FRMD8: variants seen among roughly 807,000 people sequenced by gnomAD.
FRMD8 encodes the protein FERM domain-containing protein 8.
FRMD8 carries 37 observed loss-of-function variants against 54.2 expected under a neutral mutation model. The ratio of observed to expected loss-of-function variants is 0.68; its 90% confidence interval spans 0.53 to 0.90. FRMD8 has a LOEUF of 0.90. Ranked by LOEUF, FRMD8 falls within the 40% of genes least tolerant of loss-of-function variation. The pLI is 0.00. For synonymous variants in FRMD8, 246 were observed against 286.9 expected (o/e 0.86, Z 1.44); for missense variants, 585 against 653.7 (o/e 0.89, Z 1.15).
chr11:65,411,671 G>C lies in FRMD8; in HGVS notation c.*311G>C. 1 of 256,692 alleles carries C rather than the reference G, an allele frequency of 3.9e-6. No individual in the cohort carries two copies. The allele number at this position is 256,692 out of a possible 1,614,324, so 15.9% of individuals were successfully genotyped here. A position where few individuals can be genotyped will look rare whatever the true frequency, so the allele number is the denominator to read the frequency against. On this transcript the variant is annotated 3_prime_UTR_variant, in exon 11 of 11. Transcript: ENST00000317568. ...CACCCTCACCTAGAAACATGCCTTT[G>C]TGCCCACCTCAAGATGGGCAGTGTC...
the FRMD8 span, chr11:65,377,633 G>C: frequency 1.2e-3 from 188 of 157,768 alleles, 5 homozygotes; most frequent in East Asian, 0.034. Context: ...AGAGGCTTCT[G>C]AGTGTGGGAA....
At chr11:65,401,449 G>T (rs1174089307) in intron 9 of FRMD8, among the ~76,000 whole-genome samples, 2 of 142,874 alleles carry the variant, frequency 1.4e-5, no homozygotes, top group African/African-American at 5.2e-5. Flanking sequence ...CTCCCACAGG[G>T]CCCTTTCAGG....
the FRMD8 span, among the ~76,000 whole-genome samples, chr11:65,369,251 C>T: frequency 2.0e-5 from 3 of 152,042 alleles, no homozygotes; most frequent in Admixed American, 2.0e-4. Context: ...TGTGGCTGAA[C>T]TGAGAGCTGA....
chr11:65,411,305 T>C lies in FRMD8; in HGVS notation c.1340T>C (p.Leu447Ser), dbSNP rs560062938. 1 of 1,609,314 alleles carries C rather than the reference T, an allele frequency of 6.2e-7. No homozygotes were observed. Among genetic ancestry groups the C allele is most frequent in the Admixed American group, 1.7e-5 (1 of 59,804 alleles). ...TCCTTCTTCAGCCGGCAGCTGTCCT[T>C]GGGCCAGGGGAGCTACACCGTGGTG... ...TTSFFSRQLS[L>S]GQGSYTVVQP... Residue 447 changes from leucine (L) to serine (S), a missense_variant, in exon 11 of 11, where the codon TTG (leucine) becomes TCG (serine). Coordinates refer to ENST00000317568, the MANE Select transcript of FRMD8 (RefSeq NM_031904.5).
In FRMD8 at chr11:65,404,074, G is replaced by A. The variant is rs1278859533; in HGVS notation, c.1072-790G>A. ...CAGCGGTGCCCACCTGCCCAGCCCA[G>A]AGGGATTGTAGCTGCCCTGTGGAGA... On this transcript the variant is annotated intron_variant, in intron 9 of 10. Coordinates refer to ENST00000317568, the MANE Select transcript of FRMD8 (RefSeq NM_031904.5). The surrounding 1 kb of genome is among the most constrained non-coding windows in gnomAD (Gnocchi z 4.7). Among the ~76,000 whole-genome samples, 1 of 152,146 alleles carries A rather than the reference G, an allele frequency of 6.6e-6. No individual in the cohort carries two copies. Among genetic ancestry groups the A allele is most frequent in the Admixed American group, 6.5e-5 (1 of 15,274 alleles).
chr11:65,370,673 C>T, the FRMD8 span, among the ~76,000 whole-genome samples: 4 of 151,812 alleles, frequency 2.6e-5, no homozygotes, highest in Non-Finnish European at 4.4e-5. Flanking sequence ...GCACTCCAGC[C>T]TGGGCGATAG....
chr11:65,406,550 A>G (rs1291793069), intron 10 of FRMD8, among the ~76,000 whole-genome samples: 4 of 149,480 alleles, frequency 2.7e-5, no homozygotes, highest in Non-Finnish European at 5.9e-5. Context: ...GGATGGTCTC[A>G]ATTTCCTGTC....
intron 6 of FRMD8, among the ~76,000 whole-genome samples, chr11:65,395,617 G>A (rs1855938176): frequency 6.6e-6 from 1 of 152,206 alleles, no homozygotes; most frequent in Admixed American, 6.5e-5. Flanking sequence ...AGTACCCGCT[G>A]CCTGAGGCGG....
chr11:65,384,660 G>A (rs1855702705), upstream of FRMD8, among the ~76,000 whole-genome samples: 3 of 152,210 alleles, frequency 2.0e-5, no homozygotes, highest in South Asian at 6.2e-4. Context: ...GACTTTTCCT[G>A]CCTGTAGCAT....
chr11:65,399,076 C>T (rs995300589), intron 7 of FRMD8, among the ~76,000 whole-genome samples: 1 of 149,216 alleles, frequency 6.7e-6, no homozygotes, highest in African/African-American at 2.5e-5. Context: ...TGGCTCACTG[C>T]GAGCTCCGCC....
rs1590650518 is a variant in FRMD8, at chr11:65,394,091, G to A, written c.406G>A (p.Glu136Lys). 1 of 1,613,996 alleles carries A rather than the reference G, an allele frequency of 6.2e-7. No homozygotes were observed. The highest frequency in any genetic ancestry group is 8.5e-7 in the Non-Finnish European group (1 of 1,179,958). ...RRNVFFPKRR[E>K]LQIHDEEVLR... Reference sequence around the variant, plus strand: ...GAACGTGTTCTTCCCAAAGCGGCGGGAGCTCCAGGTGAGGCAGGAGCCCTG... The same window carrying A: ...GAACGTGTTCTTCCCAAAGCGGCGGAAGCTCCAGGTGAGGCAGGAGCCCTG... The change falls in exon 5 of 11, where the codon GAG becomes AAG. Residue 136 changes from glutamate to lysine, a missense_variant. Coordinates refer to ENST00000317568, the MANE Select transcript of FRMD8 (RefSeq NM_031904.5).
chr11:65,374,063 C>T, the FRMD8 span, among the ~76,000 whole-genome samples: 4 of 152,298 alleles, frequency 2.6e-5, no homozygotes, highest in East Asian at 1.9e-4. Context: ...GTAATCCCAA[C>T]GCTTTGGGAG....
At chr11:65,376,723 T>A in the FRMD8 span, 1 of 1,613,720 alleles carries the variant, frequency 6.2e-7, no homozygotes, top group Non-Finnish European at 8.5e-7. Flanking sequence ...GAACAGAGCA[T>A]CCTCCCCAGA....
rs770827462 is a variant in FRMD8, at chr11:65,400,821, G to T, written c.1025G>T (p.Ser342Ile). ...PILWLEFDGDSEGTPVNKLLK... is the reference protein window; with the variant it reads ...PILWLEFDGDIEGTPVNKLLK... The stretch of plus-strand genomic sequence containing the variant: ...TTGTGGCTGGAGTTCGACGGGGACA[G>T]CGAGGGCACACCTGTCAACAAGCTC... The change falls in exon 9 of 11, where the codon AGC becomes ATC. Residue 342 changes from serine (S) to isoleucine (I), a missense_variant. Coordinates refer to ENST00000317568, the MANE Select transcript of FRMD8 (RefSeq NM_031904.5). The surrounding 1 kb of genome is among the most constrained non-coding windows in gnomAD (Gnocchi z 4.3). 1.2e-6 allele frequency: 2 copies of T among 1,612,964 alleles called. No homozygotes were observed. The highest frequency in any genetic ancestry group is 1.7e-6 in the Non-Finnish European group (2 of 1,179,652).
Position 65,394,404 on chromosome 11 carries a change from G to C in FRMD8, c.560G>C (p.Arg187Pro). The change falls in exon 6 of 11, where the codon CGG becomes CCG. Residue 187 changes from arginine to proline, a missense_variant. By Grantham distance (103) the Arg-to-Pro change is moderately radical. Transcript: ENST00000317568. ...CAGCTTGGGCCCTACCAGCCCGGCC[G>C]GCCGGCAGCCTGCGACCTGAGGTGA... Reference protein sequence around the residue: ...RVQLGPYQPGRPAACDLREKL... With the variant: ...RVQLGPYQPGPPAACDLREKL... 6.4e-7 allele frequency: 1 copy of C among 1,569,456 alleles called. No individual in the cohort carries two copies. The highest frequency in any genetic ancestry group is 8.6e-7 in the Non-Finnish European group (1 of 1,159,804).
rs1428313325 is a variant in FRMD8 at position 65,404,187 on chromosome 11, C to T, written c.1072-677C>T. On this transcript the variant is annotated intron_variant, in intron 9 of 10. Transcript: ENST00000317568. The surrounding 1 kb of genome is among the most constrained non-coding windows in gnomAD (Gnocchi z 4.7). ...GAGCACAGGTGGCCATTCCTGTCTACTTGGCCTCATCTTATCCCAGGCCTG... is the reference window on the plus strand; with the variant it reads ...GAGCACAGGTGGCCATTCCTGTCTATTTGGCCTCATCTTATCCCAGGCCTG... 3.9e-5 allele frequency among the ~76,000 whole-genome samples: 6 copies of T among 152,202 alleles called. No homozygotes were observed. Among genetic ancestry groups the T allele is most frequent in the Admixed American group, 3.9e-4 (6 of 15,290 alleles).
intron 7 of FRMD8, among the ~76,000 whole-genome samples, chr11:65,397,635 G>A (rs1483642081): frequency 6.6e-6 from 1 of 152,230 alleles, no homozygotes; most frequent in African/African-American, 2.4e-5. Context: ...ACTGGCCTAA[G>A]CCCCTGGCAG....
intron 10 of FRMD8, among the ~76,000 whole-genome samples, chr11:65,407,661 T>C (rs1209161875): frequency 1.3e-5 from 2 of 151,420 alleles, no homozygotes; most frequent in African/African-American, 2.4e-5. Flanking sequence ...GAGGCCAAGG[T>C]GGGCAGATCA....
In FRMD8 at chr11:65,411,610, T is replaced by C; in HGVS notation, c.*250T>C. 1 of 408,640 alleles carries C rather than the reference T, an allele frequency of 2.4e-6. No individual in the cohort carries two copies. The allele number at this position is 408,640 out of a possible 1,614,324, so 25.3% of individuals were successfully genotyped here. On this transcript the variant is annotated 3_prime_UTR_variant, in exon 11 of 11. Coordinates refer to ENST00000317568, the MANE Select transcript of FRMD8 (RefSeq NM_031904.5). ...CCTTCCCCCGGATGCTGGGCCCTGC[T>C]GCTCTCTCAGGACCATCCGATCAAG...
Sources: allele counts gnomAD v4.1 joint callset (sites outside exome capture counted in the v4.1 genomes callset), GRCh38; gene constraint gnomAD v4.1.1; non-coding constraint Gnocchi (gnomAD v3.1); transcripts MANE v1.5; gene names NCBI Gene and HGNC (gene_info 2026-07-23, HGNC 2026-07-21).